ROBO1: variants seen among roughly 807,000 people sequenced by gnomAD.
The protein encoded by ROBO1 is roundabout homolog 1.
ROBO1 carries 149 observed loss-of-function variants against 195.9 expected under a neutral mutation model. That is an observed-to-expected ratio of 0.76 (90% CI 0.67 to 0.87). The LOEUF is 0.87. Ranked by LOEUF, ROBO1 falls within the 40% of genes least tolerant of loss-of-function variation. The pLI, the probability that ROBO1 is intolerant of heterozygous loss-of-function variation, is 0.00. For synonymous variants in ROBO1, 816 were observed against 733.2 expected, an observed-to-expected ratio of 1.11 and a Z score of -1.82; for missense variants, 1,933 against 2,068.3, an observed-to-expected ratio of 0.93 and a Z score of 1.27.
At chr3:79,303,332 A>AT (rs2033064600) in intron 2 of ROBO1, among the ~76,000 whole-genome samples, 1 of 151,816 alleles carries the variant, frequency 6.6e-6, no homozygotes, top group South Asian at 2.1e-4. Flanking sequence ...TGCCCTGCTA[A>AT]TTTTTGTCTT....
intron 4 of ROBO1, among the ~76,000 whole-genome samples, chr3:78,813,144 CT>C (rs924100488): frequency 6.6e-6 from 1 of 151,914 alleles, no homozygotes; most frequent in Non-Finnish European, 1.5e-5. Flanking sequence ...ATGATCTAAT[CT>C]TTGGAAAAAC....
At chr3:79,392,471 G>T (rs1013193778) in intron 2 of ROBO1, among the ~76,000 whole-genome samples, 2 of 152,134 alleles carry the variant, frequency 1.3e-5, no homozygotes, top group East Asian at 1.9e-4. Context: ...AGGCAGGAAT[G>T]ATAGGAACTG....
chr3:79,063,706 G>A (rs997221886), intron 3 of ROBO1, among the ~76,000 whole-genome samples: 1 of 151,778 alleles, frequency 6.6e-6, no homozygotes, highest in African/African-American at 2.4e-5. Flanking sequence ...GCTCCAGAGA[G>A]TTGATTGTAA....
chr3:79,488,233 A>G (rs1266591837), intron 2 of ROBO1, among the ~76,000 whole-genome samples: 1 of 152,216 alleles, frequency 6.6e-6, no homozygotes, highest in Non-Finnish European at 1.5e-5. Context: ...CTTTAAATAT[A>G]ATTTGCATGA....
intron 2 of ROBO1, among the ~76,000 whole-genome samples, chr3:79,245,099 T>A (rs1035481440): frequency 2.0e-5 from 3 of 152,108 alleles, no homozygotes; most frequent in Non-Finnish European, 4.4e-5. Context: ...AACTTATATA[T>A]GTTTTATGTG....
intron 3 of ROBO1, among the ~76,000 whole-genome samples, chr3:79,072,712 T>A (rs1184000605): frequency 6.6e-6 from 1 of 152,026 alleles, no homozygotes; most frequent in Non-Finnish European, 1.5e-5. Context: ...CCATTTGTAA[T>A]CAGTTTATTG....
intron 3 of ROBO1, among the ~76,000 whole-genome samples, chr3:79,047,373 A>T (rs1296828819): frequency 6.6e-6 from 1 of 150,668 alleles, no homozygotes; most frequent in Non-Finnish European, 1.5e-5. Context: ...AAGGACTGTT[A>T]AAAAAAAAGT....
intron 4 of ROBO1, among the ~76,000 whole-genome samples, chr3:78,818,505 T>C (rs1347986941): frequency 2.6e-5 from 4 of 152,194 alleles, no homozygotes; most frequent in African/African-American, 9.6e-5. Context: ...CACTTGGGCT[T>C]GGACCCAGCA....
chr3:78,988,445 ATT>A (rs2077162606), intron 3 of ROBO1, among the ~76,000 whole-genome samples: 1 of 152,102 alleles, frequency 6.6e-6, no homozygotes, highest in South Asian at 2.1e-4. Context: ...TCAAATCTCT[ATT>A]ATTTTTGTGG....
At position 79,687,223 on chromosome 3, in the gene ROBO1, G is replaced by T. The variant is rs577522166; in HGVS notation, c.-51+80529C>A. Among the ~76,000 whole-genome samples, 110 of 152,148 alleles carry T rather than the reference G, an allele frequency of 7.2e-4. 1 individual carries two copies. Among genetic ancestry groups the T allele is most frequent in the Admixed American group, 3.9e-4 (6 of 15,276 alleles). ...CCTTATACAAAAATAAATTCAAGAT[G>T]GATTAAAGACTTAAATGTTAGACCT... On this transcript the variant is annotated intron_variant, in intron 1 of 30. Transcript: ENST00000464233.
At position 78,989,506 on chromosome 3, in the gene ROBO1, C is replaced by G. The variant is rs143486696; in HGVS notation, c.173-50579G>C. Among the ~76,000 whole-genome samples the G allele has an allele frequency of 6.6e-5, 10 of 152,236 alleles. No individual in the cohort carries two copies. In the East Asian group the frequency reaches 1.7e-3, roughly 27 times the overall value. On this transcript the variant is annotated intron_variant, in intron 3 of 30. Coordinates refer to ENST00000464233, the MANE Select transcript of ROBO1 (RefSeq NM_002941.4). ...GCGCAAGCCTGTAGTCCCAGCTACT[C>G]AGGAGGCTGACGTGGGAGGATCACC...
rs200053422 is a variant in ROBO1, at chr3:78,929,013, T to C, written c.499+9588A>G. 9.2e-5 allele frequency among the ~76,000 whole-genome samples: 14 copies of C among 152,278 alleles called. No homozygotes were observed. In the East Asian group the frequency reaches 2.7e-3, roughly 29 times the overall value. On this transcript the variant is annotated intron_variant, in intron 4 of 30. Transcript: ENST00000464233. Reference sequence around the variant, plus strand: ...AGGTGGTGTCTTTGCCCATTTTCTCTTTAACTTTTTAGCTTTTATTCTGAA... The same window carrying C: ...AGGTGGTGTCTTTGCCCATTTTCTCCTTAACTTTTTAGCTTTTATTCTGAA...
At chr3:78,971,324 G>A (rs1411893665) in intron 3 of ROBO1, among the ~76,000 whole-genome samples, 1 of 152,176 alleles carries the variant, frequency 6.6e-6, no homozygotes, top group African/African-American at 2.4e-5. Flanking sequence ...GGGAGGCGGA[G>A]GTTGCAGACA....
intron 26 of ROBO1, among the ~76,000 whole-genome samples, chr3:78,622,129 T>TG (rs1704494416): frequency 6.6e-6 from 1 of 152,108 alleles, no homozygotes; most frequent in African/African-American, 2.4e-5. Flanking sequence ...TCCCAGCTAT[T>TG]GTTTGAAAAA....
chr3:78,761,967 T>C (rs1202573443), intron 4 of ROBO1, among the ~76,000 whole-genome samples: 1 of 152,106 alleles, frequency 6.6e-6, no homozygotes, highest in East Asian at 1.9e-4. Context: ...TAATTAGGTG[T>C]TTTTAGCTTT....
chr3:78,866,887 C>T (rs141518987), intron 4 of ROBO1, among the ~76,000 whole-genome samples: 24 of 152,222 alleles, frequency 1.6e-4, no homozygotes, highest in Admixed American at 3.9e-4. Flanking sequence ...CTACTGGTGT[C>T]ACACTGTGAT....
At chr3:78,625,994 A>T (rs1382389277) in intron 26 of ROBO1, among the ~76,000 whole-genome samples, 1 of 152,116 alleles carries the variant, frequency 6.6e-6, no homozygotes, top group Non-Finnish European at 1.5e-5. Context: ...CATTCCAGAC[A>T]GATAAAGGAA....
intron 1 of ROBO1, among the ~76,000 whole-genome samples, chr3:79,753,056 T>G (rs1342528723): frequency 6.6e-6 from 1 of 152,078 alleles, no homozygotes; most frequent in Non-Finnish European, 1.5e-5. Flanking sequence ...TGAAGAGGCA[T>G]AGTAAAGCCT....
intron 2 of ROBO1, among the ~76,000 whole-genome samples, chr3:79,170,550 A>G (rs150723467): frequency 1.5e-3 from 230 of 152,280 alleles, no homozygotes; most frequent in African/African-American, 5.3e-3. Context: ...TAAAATTATT[A>G]TCTTCTTTGT....
Sources: allele counts gnomAD v4.1 joint callset (sites outside exome capture counted in the v4.1 genomes callset), GRCh38; gene constraint gnomAD v4.1.1; transcripts MANE v1.5; gene names NCBI Gene and HGNC (gene_info 2026-07-23, HGNC 2026-07-21).